REV1: variants seen among roughly 807,000 people sequenced by gnomAD.
The protein encoded by REV1 is REV1 DNA directed polymerase.
Under a neutral mutation model 137.4 loss-of-function variants are expected in REV1, and 42 were observed. The observed-to-expected ratio is 0.31, with a 90% CI of 0.24 to 0.40. REV1 has a LOEUF of 0.40. REV1 is among the 10% of genes least tolerant of loss of function. The pLI is 1.00. For missense variants in REV1, 1,282 were observed against 1,490.1 expected, an observed-to-expected ratio of 0.86 and a Z score of 2.30; for synonymous variants, 524 against 519.2, an observed-to-expected ratio of 1.01 and a Z score of -0.12.
intron 9 of REV1, among the ~76,000 whole-genome samples, chr2:99,428,988 T>C (rs1679763843): frequency 1.5e-5 from 2 of 131,722 alleles, no homozygotes. Flanking sequence ...CGAGACTCCG[T>C]CTCAAAAAAA....
chr2:99,419,205 A>ATTTT (rs774732084), intron 11 of REV1, among the ~76,000 whole-genome samples: 52 of 115,984 alleles, frequency 4.5e-4, no homozygotes, highest in African/African-American at 1.2e-3. Context: ...AGCAGTCCTG[A>ATTTT]TTTTTTTTTT....
chr2:99,442,998 C>T (rs1239278486), intron 4 of REV1, among the ~76,000 whole-genome samples: 1 of 152,184 alleles, frequency 6.6e-6, no homozygotes, highest in African/African-American at 2.4e-5. Flanking sequence ...CAACACCACT[C>T]AAATCCAGGG....
chr2:99,459,675 C>T (rs553208267), intron 3 of REV1, among the ~76,000 whole-genome samples: 1 of 152,300 alleles, frequency 6.6e-6, no homozygotes, highest in South Asian at 2.1e-4. Flanking sequence ...CACTGCACTA[C>T]AGCCTGGGTG....
chr2:99,411,885 T>C (rs1449639838), intron 13 of REV1, among the ~76,000 whole-genome samples: 1 of 152,016 alleles, frequency 6.6e-6, no homozygotes, highest in Non-Finnish European at 1.5e-5. Flanking sequence ...CAGAGGGTAA[T>C]TAACTCATCA....
At position 99,442,477 on chromosome 2, in the gene REV1, A is replaced by G. The variant is rs1559357218; in HGVS notation, c.351-8T>C. ...AGTCGTCCAGCTTTGATGCTGAAAC[A>G]AAAAGCAACACCAATTTAGAGTTCC... is the stretch of plus-strand genomic sequence containing the variant. On this transcript the variant is annotated splice_region_variant and splice_polypyrimidine_tract_variant and intron_variant, in intron 4 of 22. Transcript: ENST00000258428. The G allele has an allele frequency of 5.0e-6, 8 of 1,612,026 alleles. No individual in the cohort carries two copies. Among genetic ancestry groups the G allele is most frequent in the Non-Finnish European group, 6.8e-6 (8 of 1,179,252 alleles).
chr2:99,405,970 A>G lies in REV1; in HGVS notation c.2751T>C (p.His917=), dbSNP rs2104387537. The change falls in exon 17 of 23, where the codon CAT becomes CAC. Residue 917 remains histidine (H), a synonymous_variant. Transcript: ENST00000258428. ...GTCTCGACTGCACACTGACAGGAGT[A>G]TGTAGACCATTCCATTTCCCTGAAG... ...AESSGKWNGL[H]TPVSVQSRLN... 7 of 1,614,044 alleles carry G rather than the reference A, an allele frequency of 4.3e-6. No homozygotes were observed. Among genetic ancestry groups the G allele is most frequent in the African/African-American group, 4.0e-5 (3 of 75,040 alleles).
chr2:99,460,304 T>TGAC (rs1684037697), intron 3 of REV1, among the ~76,000 whole-genome samples: 1 of 152,146 alleles, frequency 6.6e-6, no homozygotes, highest in Non-Finnish European at 1.5e-5. Flanking sequence ...CTCGATCTCT[T>TGAC]GACCTTGTGA....
intron 1 of REV1, among the ~76,000 whole-genome samples, chr2:99,480,403 C>G (rs1009606181): frequency 3.3e-5 from 5 of 152,168 alleles, no homozygotes; most frequent in Admixed American, 3.3e-4. Flanking sequence ...TAGAGGTAGA[C>G]AAACTAAGGT....
In REV1 at chr2:99,451,573, C is replaced by T. The variant is rs1418312963; in HGVS notation, c.182-2069G>A. ...GAGTTTAATCTTAGCTTTCACACTC[C>T]TGAGTTGTGTGACTTTGGAGAAGTT... On this transcript the variant is annotated intron_variant, in intron 3 of 22. Transcript: ENST00000258428. 7.0e-6 allele frequency: 7 copies of T among 998,758 alleles called. No individual in the cohort carries two copies. In the East Asian group the frequency reaches 4.2e-4, roughly 60 times the overall value. The allele number at this position is 998,758 out of a possible 1,614,324, so 61.9% of individuals were successfully genotyped here.
At chr2:99,454,656 G>T (rs1683341525) in intron 3 of REV1, among the ~76,000 whole-genome samples, 1 of 149,156 alleles carries the variant, frequency 6.7e-6, no homozygotes, top group African/African-American at 2.5e-5. Context: ...GAGGCAGGAA[G>T]ATCCGTTGAG....
chr2:99,402,041 G>GT (rs1675530122), intron 22 of REV1, among the ~76,000 whole-genome samples: 1 of 152,152 alleles, frequency 6.6e-6, no homozygotes, highest in African/African-American at 2.4e-5. Context: ...ACTTCCTATG[G>GT]TTTTTTAATC....
At position 99,418,877 on chromosome 2, in the gene REV1, T is replaced by C; in HGVS notation, c.1902A>G (p.Pro634=). 1 of 1,612,418 alleles carries C rather than the reference T, an allele frequency of 6.2e-7. No individual in the cohort carries two copies. Among genetic ancestry groups the C allele is most frequent in the Admixed American group, 1.7e-5 (1 of 60,018 alleles). ...AKPDGQYHLK[P]EEVDDFIRGQ... ...CTCTGATAAAATCATCTACTTCTTCTGGTTTTAGGTGGTACTGCCCATCTG... is the reference window on the plus strand; with the variant it reads ...CTCTGATAAAATCATCTACTTCTTCCGGTTTTAGGTGGTACTGCCCATCTG... Residue 634 remains proline, a synonymous_variant, in exon 12 of 23, where the codon CCA becomes CCG. Coordinates refer to ENST00000258428, the MANE Select transcript of REV1 (RefSeq NM_016316.4).
intron 2 of REV1, 150 bp from the exon 3 acceptor site, chr2:99,462,772 A>C: frequency 2.6e-6 from 2 of 758,808 alleles, no homozygotes; most frequent in South Asian, 2.0e-5. Flanking sequence ...AACATAAACC[A>C]TAAGGCAAGG....
intron 1 of REV1, among the ~76,000 whole-genome samples, chr2:99,485,927 C>T (rs967436519): frequency 6.6e-6 from 1 of 151,928 alleles, no homozygotes; most frequent in Non-Finnish European, 1.5e-5. Context: ...GAGTTTGAGA[C>T]CAGCCTGGGC....
In REV1 at chr2:99,442,324, T is replaced by G. The variant is rs1575116113; in HGVS notation, c.496A>C (p.Asn166His). 3 of 1,610,342 alleles carry G rather than the reference T, an allele frequency of 1.9e-6. No homozygotes were observed. The highest frequency in any genetic ancestry group is 1.3e-5 in the African/African-American group (1 of 74,324). Residue 166 changes from asparagine (N) to histidine (H), a missense_variant, in exon 5 of 23, where the codon AAC becomes CAC. Coordinates refer to ENST00000258428, the MANE Select transcript of REV1 (RefSeq NM_016316.4). ...GPSNIAKQLN[N>H]RVNHIVKKIE... Reference sequence around the variant, plus strand: ...CCAACTAGACAAACTTACACCCTGTTGTTGAGCTGTTTGGCTATATTGCTT... The same window carrying G: ...CCAACTAGACAAACTTACACCCTGTGGTTGAGCTGTTTGGCTATATTGCTT...
intron 3 of REV1, among the ~76,000 whole-genome samples, chr2:99,461,631 G>A (rs764264183): frequency 6.6e-6 from 1 of 152,110 alleles, no homozygotes; most frequent in Non-Finnish European, 1.5e-5. Context: ...ATAAGAAGAA[G>A]AATCCCCAAG....
At position 99,401,197 on chromosome 2, in the gene REV1, C is replaced by T. The variant is rs756100486; in HGVS notation, c.*44G>A. The T allele has an allele frequency of 1.2e-5, 15 of 1,237,736 alleles. No homozygotes were observed. The South Asian group carries it at 1.7e-4, about 14-fold the overall frequency. 76.7% of individuals were successfully genotyped at this position (1,237,736 alleles called of 1,614,324 possible). On this transcript the variant is annotated 3_prime_UTR_variant, in exon 23 of 23. Transcript: ENST00000258428. ...GCACTTTGCAAATACCTCACAAGCA[C>T]TTATGGCACAGCTATCAGAGAGCAT...
intron 3 of REV1, among the ~76,000 whole-genome samples, chr2:99,461,761 T>C (rs987715847): frequency 6.6e-6 from 1 of 152,214 alleles, no homozygotes; most frequent in Non-Finnish European, 1.5e-5. Context: ...AAGAAGCTGC[T>C]TGTTACCAGT....
chr2:99,463,957 C>T (rs1684524061), intron 2 of REV1, among the ~76,000 whole-genome samples: 1 of 152,042 alleles, frequency 6.6e-6, no homozygotes, highest in Non-Finnish European at 1.5e-5. Flanking sequence ...TCCACTATCT[C>T]CCACATACAG....
Sources: allele counts gnomAD v4.1 joint callset (sites outside exome capture counted in the v4.1 genomes callset), GRCh38; gene constraint gnomAD v4.1.1; transcripts MANE v1.5; gene names NCBI Gene and HGNC (gene_info 2026-07-23, HGNC 2026-07-21).